SAMD5: variants seen among roughly 807,000 people sequenced by gnomAD.
SAMD5 encodes the protein sterile alpha motif domain-containing protein 5.
A neutral mutation model predicts 11.3 loss-of-function variants in SAMD5; 13 were observed. The observed-to-expected ratio is 1.15, with a 90% CI of 0.75 to 1.83. The LOEUF (loss-of-function observed/expected upper bound fraction) is 1.83, where lower values mean the gene tolerates loss of function less well. Among genes scored for constraint, SAMD5 ranks in the 40% most tolerant of loss-of-function variants. The pLI, the probability that SAMD5 is intolerant of heterozygous loss-of-function variation, is 0.00. For missense variants in SAMD5, 255 were observed against 239.1 expected, an observed-to-expected ratio of 1.07 and a Z score of -0.44; for synonymous variants, 129 against 111.3, an observed-to-expected ratio of 1.16 and a Z score of -1.00.
chr6:147,595,565 C>A (rs141447739), intron 1 of SAMD5, among the ~76,000 whole-genome samples: 6,233 of 132,670 alleles, frequency 0.047, 448 homozygotes, highest in African/African-American at 0.16. Context: ...CTTGCTCTGT[C>A]ACCCAGGCTG....
At chr6:147,946,389 A>G in the SAMD5 span, among the ~76,000 whole-genome samples, 10 of 152,230 alleles carry the variant, frequency 6.6e-5, no homozygotes, top group Non-Finnish European at 7.3e-5. Context: ...TAGGCATTCA[A>G]TAAACATCTC....
chr6:147,647,010 ATAAT>A (rs1790415531), intron 1 of SAMD5, among the ~76,000 whole-genome samples: 1 of 108,470 alleles, frequency 9.2e-6, no homozygotes, highest in African/African-American at 3.4e-5. Context: ...AATAATAATA[ATAAT>A]AAAATAGCTG....
In SAMD5 at chr6:147,723,104, C is replaced by T. The variant is rs1213618586; in HGVS notation, c.163-14213C>T. Among the ~76,000 whole-genome samples the T allele has an allele frequency of 3.3e-5, 5 of 152,190 alleles. No homozygotes were observed. The East Asian group carries it at 9.6e-4, about 29-fold the overall frequency. On this transcript the variant is annotated intron_variant, in intron 1 of 1. Transcript: ENST00000566741. ...TTCACTTGTTACTAAGTACTCAGCC[C>T]ATGTTAGGGCCAGTGGTGTGAGGAG...
chr6:147,515,667 A>G (rs1233146919), intron 1 of SAMD5, among the ~76,000 whole-genome samples: 3 of 152,054 alleles, frequency 2.0e-5, no homozygotes, highest in Non-Finnish European at 4.4e-5. Flanking sequence ...CCCATGTGCT[A>G]GGCTTTAAGA....
intron 1 of SAMD5, among the ~76,000 whole-genome samples, chr6:147,649,059 T>C (rs887769892): frequency 1.3e-5 from 2 of 152,230 alleles, no homozygotes; most frequent in Admixed American, 6.5e-5. Flanking sequence ...AATGTTTATG[T>C]TCCATGTAAT....
intron 1 of SAMD5, among the ~76,000 whole-genome samples, chr6:147,522,353 A>G (rs1788267339): frequency 6.6e-6 from 1 of 152,158 alleles, no homozygotes; most frequent in African/African-American, 2.4e-5. Context: ...TATTAAGGAA[A>G]AGCATTAAGG....
chr6:147,513,512 AGTGTGAGATGC>A (rs1562309828), intron 1 of SAMD5, among the ~76,000 whole-genome samples: 2 of 152,102 alleles, frequency 1.3e-5, no homozygotes, highest in Non-Finnish European at 2.9e-5. Context: ...AAACATACGG[AGTGTGAGATGC>A]CTGTGGAATG....
chr6:147,927,295 G>T, the SAMD5 span, among the ~76,000 whole-genome samples: 2 of 152,148 alleles, frequency 1.3e-5, no homozygotes, highest in Non-Finnish European at 2.9e-5. Flanking sequence ...CTACCCATAG[G>T]CATGGAATGT....
chr6:147,718,990 C>T (rs1035088507), intron 1 of SAMD5, among the ~76,000 whole-genome samples: 1 of 152,180 alleles, frequency 6.6e-6, no homozygotes, highest in Non-Finnish European at 1.5e-5. Flanking sequence ...CGCGCCCGGC[C>T]GAAGTGTCTC....
At chr6:147,758,834 T>C in the SAMD5 span, among the ~76,000 whole-genome samples, 1 of 152,098 alleles carries the variant, frequency 6.6e-6, no homozygotes, top group Non-Finnish European at 1.5e-5. Context: ...CTGAAAGAAG[T>C]ACTTCGGGCT....
At chr6:147,891,743 C>T in the SAMD5 span, among the ~76,000 whole-genome samples, 1 of 152,116 alleles carries the variant, frequency 6.6e-6, no homozygotes, top group Admixed American at 6.5e-5. Flanking sequence ...AGCTCATCAG[C>T]TGTAAATACT....
At chr6:147,784,456 T>G in the SAMD5 span, among the ~76,000 whole-genome samples, 1 of 152,210 alleles carries the variant, frequency 6.6e-6, no homozygotes, top group Non-Finnish European at 1.5e-5. Context: ...TTGTTTTGTT[T>G]CCCATATAAG....
At chr6:147,737,300 C>A in intron 1 of SAMD5, 1 of 1,199,772 alleles carries the variant, frequency 8.3e-7, no homozygotes, top group Non-Finnish European at 1.1e-6. Context: ...ACTTCATTTC[C>A]TCTTTTTATG....
the SAMD5 span, among the ~76,000 whole-genome samples, chr6:147,869,269 G>A: frequency 6.6e-6 from 1 of 152,238 alleles, no homozygotes; most frequent in African/African-American, 2.4e-5. Context: ...AGCTGATGCT[G>A]TGGCCCTTGG....
intron 1 of SAMD5, among the ~76,000 whole-genome samples, chr6:147,526,927 G>C (rs765146258): frequency 6.6e-6 from 1 of 152,100 alleles, no homozygotes; most frequent in Non-Finnish European, 1.5e-5. Context: ...TTGACCTGGA[G>C]AATTACCTAA....
intron 1 of SAMD5, among the ~76,000 whole-genome samples, chr6:147,724,942 G>A (rs915660704): frequency 1.4e-4 from 21 of 152,082 alleles, no homozygotes; most frequent in African/African-American, 3.6e-4. Context: ...ACTAGCTAAT[G>A]TATGAGTTTA....
At chr6:147,686,148 C>T (rs370378496) in intron 1 of SAMD5, among the ~76,000 whole-genome samples, 7 of 152,004 alleles carry the variant, frequency 4.6e-5, no homozygotes, top group South Asian at 2.1e-4. Flanking sequence ...AGCAAGTTTT[C>T]GTTTTTTATA....
chr6:147,720,491 C>T (rs1791535161), intron 1 of SAMD5, among the ~76,000 whole-genome samples: 1 of 151,668 alleles, frequency 6.6e-6, no homozygotes, highest in Non-Finnish European at 1.5e-5. Flanking sequence ...CACGGTCTCC[C>T]CCAGCTCCAG....
chr6:147,914,116 A>G, the SAMD5 span, among the ~76,000 whole-genome samples: 1 of 151,384 alleles, frequency 6.6e-6, no homozygotes, highest in Non-Finnish European at 1.5e-5. Flanking sequence ...CCCAGCACAA[A>G]TTCATAAACT....
Sources: allele counts gnomAD v4.1 joint callset (sites outside exome capture counted in the v4.1 genomes callset), GRCh38; gene constraint gnomAD v4.1.1; transcripts MANE v1.5; gene names NCBI Gene and HGNC (gene_info 2026-07-23, HGNC 2026-07-21).